IMMP2L: variants seen among roughly 807,000 people sequenced by gnomAD.
The protein encoded by IMMP2L is inner mitochondrial membrane peptidase subunit 2.
In IMMP2L, 18 loss-of-function variants were observed where a neutral mutation model predicts 19.3. The ratio of observed to expected loss-of-function variants is 0.93; its 90% CI spans 0.64 to 1.38. IMMP2L has a LOEUF of 1.38. Ranked by LOEUF, IMMP2L falls within the 40% of genes most tolerant of loss-of-function variation. IMMP2L has a pLI of 0.00. For missense variants in IMMP2L, 233 were observed against 218.2 expected (o/e 1.07, Z -0.43); for synonymous variants, 76 against 73.0 (o/e 1.04, Z -0.21).
chr7:111,170,691 A>T (rs1806336113), intron 3 of IMMP2L, among the ~76,000 whole-genome samples: 1 of 151,802 alleles, frequency 6.6e-6, no homozygotes, highest in African/African-American at 2.4e-5. Context: ...CCTAGCTCCC[A>T]GTTTACCTAA....
rs116139538 is a variant in IMMP2L, at chr7:111,184,114, T to C, written c.240-220549A>G. Among the ~76,000 whole-genome samples the C allele has an allele frequency of 7.0e-3, 1,059 of 152,166 alleles. 17 individuals carry two copies. The highest frequency in any genetic ancestry group is 0.025 in the African/African-American group (1,017 of 41,508). ...TTATATTCAATGAAATATAATTTTT[T>C]CATACTATGGTTTACTACTTTATTA... On this transcript the variant is annotated intron_variant, in intron 3 of 5. Transcript: ENST00000405709.
chr7:111,559,225 T>C (rs772752277), intron 1 of IMMP2L, among the ~76,000 whole-genome samples: 5 of 152,124 alleles, frequency 3.3e-5, no homozygotes, highest in African/African-American at 4.8e-5. Flanking sequence ...GTCTGTGAAC[T>C]TGTCTTTCTC....
At chr7:111,353,269 TC>T (rs1436448335) in intron 3 of IMMP2L, among the ~76,000 whole-genome samples, 1 of 152,104 alleles carries the variant, frequency 6.6e-6, no homozygotes, top group African/African-American at 2.4e-5. Context: ...TCTATCATTA[TC>T]CCTGGTCTCA....
chr7:111,206,249 A>C (rs918317974), intron 3 of IMMP2L, among the ~76,000 whole-genome samples: 3 of 152,162 alleles, frequency 2.0e-5, no homozygotes, highest in Non-Finnish European at 4.4e-5. Context: ...CTTTAACTTA[A>C]GCTTATTTCC....
At chr7:111,239,896 C>A (rs916484611) in intron 3 of IMMP2L, among the ~76,000 whole-genome samples, 2 of 151,790 alleles carry the variant, frequency 1.3e-5, no homozygotes, top group African/African-American at 2.4e-5. Context: ...TTTAAAAGGT[C>A]TTGTTTTAAA....
intron 3 of IMMP2L, among the ~76,000 whole-genome samples, chr7:111,239,588 G>A (rs1190497782): frequency 6.6e-6 from 1 of 151,918 alleles, no homozygotes. Flanking sequence ...ACAACCACAT[G>A]ATGCAGAATA....
At position 111,138,605 on chromosome 7, in the gene IMMP2L, A is replaced by T. The variant is rs186880917; in HGVS notation, c.240-175040T>A. On this transcript the variant is annotated intron_variant, in intron 3 of 5. Coordinates refer to ENST00000405709, the MANE Select transcript of IMMP2L (RefSeq NM_032549.4). ...TATTTCTTGTTCCAAGTTAGGTAAA[A>T]CTTGTAAATAAAACCCTGCAAAATG... is the stretch of plus-strand genomic sequence containing the variant. 2.6e-5 allele frequency among the ~76,000 whole-genome samples: 4 copies of T among 152,342 alleles called. No homozygotes were observed. The East Asian group carries it at 7.7e-4, about 29-fold the overall frequency.
At chr7:111,400,261 A>G (rs1290848608) in intron 3 of IMMP2L, among the ~76,000 whole-genome samples, 1 of 152,192 alleles carries the variant, frequency 6.6e-6, no homozygotes, top group African/African-American at 2.4e-5. Flanking sequence ...CAAGACTACA[A>G]GACTTTTAAT....
chr7:110,844,327 C>T (rs1244363949), intron 5 of IMMP2L, among the ~76,000 whole-genome samples: 1 of 151,782 alleles, frequency 6.6e-6, no homozygotes, highest in Non-Finnish European at 1.5e-5. Flanking sequence ...CTAAAGGAGA[C>T]TAGAAGGAAA....
intron 5 of IMMP2L, among the ~76,000 whole-genome samples, chr7:110,689,353 T>G (rs181607479): frequency 7.1e-6 from 1 of 141,276 alleles, no homozygotes; most frequent in Non-Finnish European, 1.5e-5. Flanking sequence ...TTTCCATCTA[T>G]TTTCCATTTT....
At chr7:110,666,777 T>C (rs1358841454) in intron 5 of IMMP2L, among the ~76,000 whole-genome samples, 4 of 152,218 alleles carry the variant, frequency 2.6e-5, no homozygotes, top group Non-Finnish European at 5.9e-5. Flanking sequence ...ATTTATACTT[T>C]CCTAAAATAT....
At chr7:111,131,968 AT>A (rs890296041) in intron 3 of IMMP2L, among the ~76,000 whole-genome samples, 1 of 151,824 alleles carries the variant, frequency 6.6e-6, no homozygotes, top group Non-Finnish European at 1.5e-5. Flanking sequence ...CTAATAGGTG[AT>A]TTTTTGGAGA....
intron 3 of IMMP2L, among the ~76,000 whole-genome samples, chr7:111,144,145 A>G (rs1373963640): frequency 6.6e-6 from 1 of 152,152 alleles, no homozygotes; most frequent in Non-Finnish European, 1.5e-5. Flanking sequence ...CTATGAGCAC[A>G]AATAATACTT....
At chr7:111,012,638 T>C (rs914932677) in intron 3 of IMMP2L, among the ~76,000 whole-genome samples, 3 of 152,166 alleles carry the variant, frequency 2.0e-5, no homozygotes, top group Non-Finnish European at 4.4e-5. Flanking sequence ...AGAGCGACTA[T>C]TTATACATTA....
Position 111,375,191 on chromosome 7 carries a change from C to T in IMMP2L, c.239+112047G>A, listed in dbSNP as rs185274300. The stretch of plus-strand genomic sequence containing the variant: ...TTTGCCAAACATTAAAAGGAACAGG[C>T]TTGTTGAGTGTTGCTACAAAGAGTA... On this transcript the variant is annotated intron_variant, in intron 3 of 5. Transcript: ENST00000405709. Among the ~76,000 whole-genome samples, 8 of 152,044 alleles carry T rather than the reference C, an allele frequency of 5.3e-5. No homozygotes were observed. The East Asian group carries it at 1.4e-3, about 26-fold the overall frequency.
intron 1 of IMMP2L, among the ~76,000 whole-genome samples, chr7:111,532,340 G>C (rs545317772): frequency 2.6e-5 from 4 of 152,076 alleles, no homozygotes; most frequent in Non-Finnish European, 5.9e-5. Context: ...AATGGTACAA[G>C]GGTCTTATTA....
chr7:111,077,700 C>T (rs1257720675), intron 3 of IMMP2L, among the ~76,000 whole-genome samples: 3 of 152,120 alleles, frequency 2.0e-5, no homozygotes, highest in African/African-American at 4.8e-5. Flanking sequence ...ATATCTCCAC[C>T]CTACTTAAAA....
intron 3 of IMMP2L, among the ~76,000 whole-genome samples, chr7:111,387,457 AACAAGAAC>A (rs1831872927): frequency 6.6e-6 from 1 of 152,214 alleles, no homozygotes; most frequent in Admixed American, 6.5e-5. Flanking sequence ...AACAAGGTTC[AACAAGAAC>A]TCGTTTTAGC....
chr7:111,212,237 T>A (rs1409092195), intron 3 of IMMP2L, among the ~76,000 whole-genome samples: 2 of 152,078 alleles, frequency 1.3e-5, no homozygotes, highest in Non-Finnish European at 2.9e-5. Context: ...GGAACCCTAA[T>A]CTGGAAGATT....
Sources: gnomAD v4.1 joint callset for allele counts (sites outside exome capture counted in the v4.1 genomes callset) on GRCh38, gnomAD v4.1.1 for gene constraint, MANE v1.5 for transcripts, NCBI Gene and HGNC (gene_info 2026-07-23, HGNC 2026-07-21) for gene names.